The following AFG1L variants were observed in gnomAD, a reference collection of about 807,000 sequenced individuals.
AFG1L encodes the protein AFG1 like ATPase.
Under a neutral mutation model 62.2 loss-of-function variants are expected in AFG1L, and 53 were observed. The ratio of observed to expected loss-of-function variants is 0.85; its 90% CI spans 0.68 to 1.07. The LOEUF is 1.07. AFG1L is among the 50% of genes least tolerant of loss of function. The pLI is 0.00. For synonymous variants in AFG1L, 228 were observed against 210.3 expected (o/e 1.08, Z -0.73); for missense variants, 555 against 590.5 (o/e 0.94, Z 0.62).
At chr6:108,393,672 T>C (rs1582504493) in intron 6 of AFG1L, among the ~76,000 whole-genome samples, 1 of 152,154 alleles carries the variant, frequency 6.6e-6, no homozygotes, top group African/African-American at 2.4e-5. Flanking sequence ...CTCAGAGCCT[T>C]ATACATCCAT....
At chr6:108,304,695 G>A (rs906065793) in intron 1 of AFG1L, among the ~76,000 whole-genome samples, 4 of 152,142 alleles carry the variant, frequency 2.6e-5, no homozygotes, top group South Asian at 2.1e-4. Flanking sequence ...ATTTTAAACT[G>A]GAAATCTGAA....
intron 1 of AFG1L, among the ~76,000 whole-genome samples, chr6:108,319,131 A>G (rs571057427): frequency 6.6e-6 from 1 of 152,342 alleles, no homozygotes; most frequent in South Asian, 2.1e-4. Context: ...AGTGAAAATA[A>G]AAGTAGAAGG....
intron 2 of AFG1L, among the ~76,000 whole-genome samples, chr6:108,326,161 C>T (rs1041535864): frequency 2.6e-5 from 4 of 152,122 alleles, no homozygotes; most frequent in East Asian, 3.9e-4. Flanking sequence ...GCCTTGAAGT[C>T]CTGGGCCCAA....
intron 6 of AFG1L, among the ~76,000 whole-genome samples, chr6:108,392,553 A>G (rs1781103635): frequency 6.6e-6 from 1 of 152,098 alleles, no homozygotes; most frequent in African/African-American, 2.4e-5. Flanking sequence ...GAATTCATCA[A>G]TGTGTGTTGA....
chr6:108,372,404 A>G (rs1482605593), intron 6 of AFG1L, among the ~76,000 whole-genome samples: 2 of 148,092 alleles, frequency 1.4e-5, no homozygotes, highest in African/African-American at 5.0e-5. Flanking sequence ...GTCTTGGCTC[A>G]CTGCAACCTC....
At chr6:108,507,414 A>T (rs1774460671) in intron 10 of AFG1L, among the ~76,000 whole-genome samples, 1 of 152,334 alleles carries the variant, frequency 6.6e-6, no homozygotes, top group Non-Finnish European at 1.5e-5. Flanking sequence ...TATGTGAATG[A>T]GCATGTAATT....
At chr6:108,302,773 C>T (rs1777056581) in intron 1 of AFG1L, among the ~76,000 whole-genome samples, 1 of 152,138 alleles carries the variant, frequency 6.6e-6, no homozygotes, top group African/African-American at 2.4e-5. Context: ...CAAATGAAAA[C>T]AGATTTTTAT....
intron 6 of AFG1L, among the ~76,000 whole-genome samples, chr6:108,384,156 C>T (rs1780663741): frequency 6.6e-6 from 1 of 151,802 alleles, no homozygotes; most frequent in South Asian, 2.1e-4. Flanking sequence ...TTCATGATAC[C>T]AGCCTCAGGG....
chr6:108,409,643 G>GCCT (rs1782016421), intron 7 of AFG1L, among the ~76,000 whole-genome samples: 1 of 152,132 alleles, frequency 6.6e-6, no homozygotes, highest in Admixed American at 6.5e-5. Context: ...AAGATTAGAT[G>GCCT]ATAAGTGAGC....
chr6:108,350,855 GGT>G (rs1779052542), intron 3 of AFG1L, among the ~76,000 whole-genome samples: 1 of 152,166 alleles, frequency 6.6e-6, no homozygotes. Context: ...AAGGTAGGCT[GGT>G]TTTAAGGTTA....
intron 2 of AFG1L, among the ~76,000 whole-genome samples, chr6:108,331,600 T>A (rs1778280908): frequency 6.6e-6 from 1 of 152,228 alleles, no homozygotes; most frequent in Non-Finnish European, 1.5e-5. Context: ...AACACTTTAC[T>A]TTTGTTATTG....
At chr6:108,521,046 A>C (rs1775105443) in intron 12 of AFG1L, 1 of 152,204 alleles carries the variant, frequency 6.6e-6, no homozygotes, top group Non-Finnish European at 1.5e-5. Context: ...TGAATTTTGG[A>C]TGTACATAAA....
intron 7 of AFG1L, among the ~76,000 whole-genome samples, chr6:108,427,688 A>G (rs1416295089): frequency 6.6e-6 from 1 of 151,774 alleles, no homozygotes; most frequent in Non-Finnish European, 1.5e-5. Flanking sequence ...TACCCGGTTA[A>G]TTTTTGTATT....
At chr6:108,473,653 G>T (rs1250052854) in intron 8 of AFG1L, among the ~76,000 whole-genome samples, 1 of 152,184 alleles carries the variant, frequency 6.6e-6, no homozygotes, top group Non-Finnish European at 1.5e-5. Flanking sequence ...CGCCTCCCGG[G>T]TTCAAGCGAT....
At chr6:108,363,067 G>T (rs947153564) in intron 5 of AFG1L, among the ~76,000 whole-genome samples, 1 of 152,044 alleles carries the variant, frequency 6.6e-6, no homozygotes, top group South Asian at 2.1e-4. Context: ...CTAGGGAGAC[G>T]AATGGTAATT....
intron 8 of AFG1L, among the ~76,000 whole-genome samples, chr6:108,466,582 T>C (rs1383703368): frequency 6.6e-6 from 1 of 151,848 alleles, no homozygotes; most frequent in East Asian, 1.9e-4. Flanking sequence ...CAGGAGTGCG[T>C]GCACACAGAG....
intron 2 of AFG1L, among the ~76,000 whole-genome samples, chr6:108,336,166 C>G (rs1170687423): frequency 6.6e-6 from 1 of 152,028 alleles, no homozygotes; most frequent in Admixed American, 6.6e-5. Context: ...AAAAAGTGGT[C>G]CATGTTGAGA....
chr6:108,308,140 T>C (rs1777274971), intron 1 of AFG1L, among the ~76,000 whole-genome samples: 1 of 152,202 alleles, frequency 6.6e-6, no homozygotes, highest in Non-Finnish European at 1.5e-5. Flanking sequence ...GGTATAAGGC[T>C]AGCTTTTTCA....
intron 7 of AFG1L, among the ~76,000 whole-genome samples, chr6:108,431,390 C>T (rs999559747): frequency 6.6e-6 from 1 of 152,062 alleles, no homozygotes; most frequent in Non-Finnish European, 1.5e-5. Flanking sequence ...AGGCATGAGC[C>T]ACCGCGCCTG....
Sources: allele counts gnomAD v4.1 joint callset (sites outside exome capture counted in the v4.1 genomes callset), GRCh38; gene constraint gnomAD v4.1.1; transcripts MANE v1.5; gene names NCBI Gene and HGNC (gene_info 2026-07-23, HGNC 2026-07-21).